The following GCLC variants were observed in gnomAD, a reference collection of about 807,000 sequenced individuals.
The protein encoded by GCLC is glutamate-cysteine ligase catalytic subunit, also known as glutamate--cysteine ligase catalytic subunit.
GCLC carries 30 observed loss-of-function variants against 81.5 expected under a neutral mutation model. The observed-to-expected ratio is 0.37, with a 90% CI of 0.28 to 0.50. The LOEUF (loss-of-function observed/expected upper bound fraction) is 0.50, where lower values mean the gene tolerates loss of function less well. Among genes scored for constraint, GCLC ranks in the 20% least tolerant of loss-of-function variants. GCLC has a pLI of 0.96. For synonymous variants in GCLC, 262 were observed against 273.3 expected, an observed-to-expected ratio of 0.96 and a Z score of 0.41; for missense variants, 556 against 777.4, an observed-to-expected ratio of 0.72 and a Z score of 3.39.
intron 12 of GCLC, among the ~76,000 whole-genome samples, chr6:53,504,520 G>A (rs1193065497): frequency 2.0e-5 from 3 of 152,136 alleles, no homozygotes; most frequent in African/African-American, 7.2e-5. Context: ...TCTCTTAGAT[G>A]GATTTGGTCT....
chr6:53,543,074 C>T (rs1398644185), intron 1 of GCLC, among the ~76,000 whole-genome samples: 2 of 152,184 alleles, frequency 1.3e-5, no homozygotes, highest in Non-Finnish European at 2.9e-5. Flanking sequence ...AGTTACCATA[C>T]AGTGGGAACT....
At chr6:53,500,606 T>G in intron 12 of GCLC, 93 bp from the exon 13 acceptor site, 1 of 872,510 alleles carries the variant, frequency 1.1e-6, no homozygotes, top group South Asian at 1.3e-5. Flanking sequence ...TTAGGACTCA[T>G]TCCCTTAGGG....
At chr6:53,538,163 T>A (rs1225641917) in intron 1 of GCLC, among the ~76,000 whole-genome samples, 2 of 85,164 alleles carry the variant, frequency 2.3e-5, no homozygotes, top group Admixed American at 1.5e-4. Context: ...TTTTTTTTTT[T>A]AAAGAGATGG....
intron 12 of GCLC, among the ~76,000 whole-genome samples, chr6:53,504,677 A>C (rs1764579973): frequency 1.3e-5 from 2 of 152,134 alleles, no homozygotes; most frequent in South Asian, 4.1e-4. Context: ...CAAACCCCTC[A>C]TGGAGGAAGG....
intron 1 of GCLC, among the ~76,000 whole-genome samples, chr6:53,531,557 C>A (rs1480655520): frequency 1.3e-5 from 2 of 152,200 alleles, no homozygotes; most frequent in African/African-American, 4.8e-5. Flanking sequence ...TTCATTTCAA[C>A]CCACCCCACA....
intron 2 of GCLC, among the ~76,000 whole-genome samples, 184 bp from the exon 3 acceptor site, chr6:53,521,144 T>C (rs1254885878): frequency 6.6e-6 from 1 of 152,160 alleles, no homozygotes; most frequent in Non-Finnish European, 1.5e-5. Flanking sequence ...GGTCAACAAG[T>C]ATTGGGTCCA....
intron 1 of GCLC, among the ~76,000 whole-genome samples, chr6:53,531,270 A>T (rs1763166920): frequency 6.6e-6 from 1 of 152,216 alleles, no homozygotes; most frequent in Admixed American, 6.5e-5. Flanking sequence ...CAACATAACA[A>T]AAAATAATCG....
At chr6:53,500,575 G>A in intron 12 of GCLC, 62 bp from the exon 13 acceptor site, 1 of 1,163,652 alleles carries the variant, frequency 8.6e-7, no homozygotes, top group Non-Finnish European at 1.3e-6. Flanking sequence ...ACAAGTTGCA[G>A]CACCTTCCTC....
In GCLC at chr6:53,506,545, C is replaced by CAA. The variant is rs1245437009; in HGVS notation, c.1197+366_1197+367dup. 29 of 221,916 alleles carry CAA rather than the reference C, an allele frequency of 1.3e-4. No homozygotes were observed. The highest frequency in any genetic ancestry group is 2.8e-4 in the South Asian group (5 of 18,154). The allele number at this position is 221,916 out of a possible 1,614,324, so 13.7% of individuals were successfully genotyped here. On this transcript the variant is annotated intron_variant, in intron 10 of 15. Coordinates refer to ENST00000650454, the MANE Select transcript of GCLC (RefSeq NM_001498.4). The surrounding 1 kb of genome is among the most constrained non-coding windows in gnomAD (Gnocchi z 4.0). Reference sequence around the variant, plus strand: ...AATAAATCTATGAGAAGTCTATCTACAAAAAAAAAAGGTGATATGTCTGAA... The same window carrying CAA: ...AATAAATCTATGAGAAGTCTATCTACAAAAAAAAAAAAGGTGATATGTCTGAA...
Position 53,506,730 on chromosome 6 carries a change from T to A in GCLC, c.1197+183A>T, listed in dbSNP as rs1398987017. On this transcript the variant is annotated intron_variant, in intron 10 of 15. Transcript: ENST00000650454. The surrounding 1 kb of genome is among the most constrained non-coding windows in gnomAD (Gnocchi z 4.0). ...AAGAGTACTTGAAACCGATTTTTTA[T>A]TTGTCCAAGTTCTTTACTGCACTGG... The A allele has an allele frequency of 6.0e-5, 35 of 585,288 alleles. No individual in the cohort carries two copies. In the East Asian group the frequency reaches 9.8e-4, roughly 16 times the overall value. 36.3% of individuals were successfully genotyped at this position (585,288 alleles called of 1,614,324 possible).
intron 1 of GCLC, among the ~76,000 whole-genome samples, chr6:53,541,925 T>C (rs913910488): frequency 2.6e-5 from 4 of 152,114 alleles, no homozygotes; most frequent in African/African-American, 7.2e-5. Context: ...TAGAGTGCAG[T>C]TGAACAATCA....
intron 6 of GCLC, among the ~76,000 whole-genome samples, chr6:53,511,195 A>C (rs1358524698): frequency 9.1e-6 from 1 of 109,626 alleles, no homozygotes; most frequent in Non-Finnish European, 1.8e-5. Flanking sequence ...CTTGGAAAAA[A>C]AAAAGTGGGG....
intron 9 of GCLC, 106 bp from the exon 10 acceptor site, chr6:53,507,131 C>T (rs1764631260): frequency 1.3e-6 from 1 of 746,500 alleles, no homozygotes; most frequent in South Asian, 1.5e-5. Flanking sequence ...GAAAGGGTGT[C>T]TAGAAGCTTG....
chr6:53,522,581 G>A lies in GCLC; in HGVS notation c.151-54C>T, dbSNP rs1483568663. On this transcript the variant is annotated intron_variant, in intron 1 of 15. Coordinates refer to ENST00000650454, the MANE Select transcript of GCLC (RefSeq NM_001498.4). ...ACATTCTTCCAGACTTGTTTTCAGT[G>A]TGGCCTCCAGAAGAAAAAGGCAGGG... 5.4e-6 allele frequency: 6 copies of A among 1,105,726 alleles called. No homozygotes were observed. The Admixed American group carries it at 8.5e-5, about 16-fold the overall frequency. 68.5% of individuals were successfully genotyped at this position (1,105,726 alleles called of 1,614,324 possible). A position where few individuals can be genotyped will look rare whatever the true frequency, so the allele number is the denominator to read the frequency against.
intron 4 of GCLC, among the ~76,000 whole-genome samples, chr6:53,515,651 T>C (rs908454259): frequency 2.0e-5 from 3 of 152,116 alleles, no homozygotes; most frequent in African/African-American, 7.2e-5. Context: ...CCAACAGAAC[T>C]TGAAGTTAAT....
chr6:53,508,746 A>G, intron 7 of GCLC, 35 bp from the exon 8 acceptor site: 5 of 1,374,454 alleles, frequency 3.6e-6, no homozygotes, highest in South Asian at 3.5e-5. Context: ...CTGCAAATTC[A>G]AAGTGTCACT....
intron 12 of GCLC, among the ~76,000 whole-genome samples, chr6:53,503,006 A>G (rs982644802): frequency 1.3e-5 from 2 of 152,214 alleles, no homozygotes; most frequent in African/African-American, 4.8e-5. Context: ...TCTACCATTC[A>G]TCTCCTTCCA....
At position 53,514,607 on chromosome 6, in the gene GCLC, A is replaced by C. The variant is rs3736729; in HGVS notation, c.561-110T>G. The C allele has an allele frequency of 0.47, 384,942 of 817,086 alleles. 92,494 individuals carry two copies. The highest frequency in any genetic ancestry group is 0.63 in the Admixed American group (35,629 of 56,802). The allele number at this position is 817,086 out of a possible 1,614,324, so 50.6% of individuals were successfully genotyped here. ...AATGAAATCATACCTCAAATTAGTT[A>C]TCTAAGACAACTCAACAGAAAATGT... is the stretch of plus-strand genomic sequence containing the variant. On this transcript the variant is annotated intron_variant, in intron 4 of 15. Coordinates refer to ENST00000650454, the MANE Select transcript of GCLC (RefSeq NM_001498.4).
rs544413846 is a variant in GCLC, at chr6:53,519,873, A to T, written c.446+905T>A. On this transcript the variant is annotated intron_variant, in intron 3 of 15. Transcript: ENST00000650454. ...TATTTAGATGTTACAGTAGAGATAT[A>T]AAAAAAAAAATAGAATTCCCATTTA... 6.1e-5 allele frequency among the ~76,000 whole-genome samples: 9 copies of T among 146,904 alleles called. No homozygotes were observed. The South Asian group carries it at 1.1e-3, about 17-fold the overall frequency.
Sources: gnomAD v4.1 joint callset for allele counts (sites outside exome capture counted in the v4.1 genomes callset) on GRCh38, gnomAD v4.1.1 for gene constraint, Gnocchi (gnomAD v3.1) non-coding constraint, MANE v1.5 for transcripts, NCBI Gene and HGNC (gene_info 2026-07-23, HGNC 2026-07-21) for gene names.